MAB21L2: variants seen among roughly 807,000 people sequenced by gnomAD.
The protein encoded by MAB21L2 is mab-21 like 2, also known as protein mab-21-like 2.
Under a neutral mutation model 29.8 loss-of-function variants are expected in MAB21L2, and 15 were observed. That is an observed-to-expected ratio of 0.50 (90% CI 0.34 to 0.78). MAB21L2 has a LOEUF of 0.78. MAB21L2 is among the 30% of genes least tolerant of loss of function. The pLI is 0.01. For missense variants in MAB21L2, 321 were observed against 480.1 expected, an observed-to-expected ratio of 0.67 and a Z score of 3.10; for synonymous variants, 218 against 210.4, an observed-to-expected ratio of 1.04 and a Z score of -0.31.
In MAB21L2 at chr4:150,583,155, C is replaced by G; in HGVS notation, c.126C>G (p.Leu42=). 1 of 1,614,206 alleles carries G rather than the reference C, an allele frequency of 6.2e-7. No individual in the cohort carries two copies. The highest frequency in any genetic ancestry group is 2.2e-5 in the East Asian group (1 of 44,874). ...TCTGTAAGGTGGTCTCGGACGTGCTCAAGGAAGTGGAGGTGCAGGAGCCTC... is the reference window on the plus strand; with the variant it reads ...TCTGTAAGGTGGTCTCGGACGTGCTGAAGGAAGTGGAGGTGCAGGAGCCTC... ...REVCKVVSDV[L]KEVEVQEPRF... The change falls in exon 1 of 1, where the codon CTC becomes CTG. Residue 42 remains leucine (L), a synonymous_variant. Coordinates refer to ENST00000317605, the MANE Select transcript of MAB21L2 (RefSeq NM_006439.5). This position sits in a 1 kb window ranked among gnomAD's most constrained non-coding sequence, Gnocchi z 9.8.
In MAB21L2 at chr4:150,583,013, C is replaced by T. The variant is rs375783917; in HGVS notation, c.-17C>T. 23 of 1,573,260 alleles carry T rather than the reference C, an allele frequency of 1.5e-5. No individual in the cohort carries two copies. The highest frequency in any genetic ancestry group is 6.0e-5 in the South Asian group (5 of 84,006). On this transcript the variant is annotated 5_prime_UTR_variant, in exon 1 of 1. Transcript: ENST00000317605. The surrounding 1 kb of genome is among the most constrained non-coding windows in gnomAD (Gnocchi z 9.8). ...TATTGCGAGACGCCGGTGTATAGCCCGGACCTGTGCCCCAACATGATCGCC... is the reference window on the plus strand; with the variant it reads ...TATTGCGAGACGCCGGTGTATAGCCTGGACCTGTGCCCCAACATGATCGCC...
rs1341704964 is a variant in MAB21L2 at position 150,583,116 on chromosome 4, A to G, written c.87A>G (p.Lys29=). The G allele has an allele frequency of 6.2e-7, 1 of 1,614,210 alleles. No homozygotes were observed. The highest frequency in any genetic ancestry group is 1.3e-5 in the African/African-American group (1 of 75,074). Residue 29 remains lysine (K), a synonymous_variant, in exon 1 of 1, where the codon AAA becomes AAG. Transcript: ENST00000317605. This position sits in a 1 kb window ranked among gnomAD's most constrained non-coding sequence, Gnocchi z 9.8. The part of the protein sequence containing the change: ...RCQARKAAIA[K]TIREVCKVVS... ...AGGCGCGCAAGGCGGCCATCGCCAAAACCATCCGAGAGGTCTGTAAGGTGG... is the reference window on the plus strand; with the variant it reads ...AGGCGCGCAAGGCGGCCATCGCCAAGACCATCCGAGAGGTCTGTAAGGTGG...
Position 150,582,896 on chromosome 4 carries a change from C to G in MAB21L2, c.-134C>G. 9.1e-7 allele frequency: 1 copy of G among 1,096,734 alleles called. No individual in the cohort carries two copies. Among genetic ancestry groups the G allele is most frequent in the South Asian group, 1.8e-5 (1 of 54,858 alleles). The allele number at this position is 1,096,734 out of a possible 1,614,324, so 67.9% of individuals were successfully genotyped here. A position where few individuals can be genotyped will look rare whatever the true frequency, so the allele number is the denominator to read the frequency against. The stretch of plus-strand genomic sequence containing the variant: ...TCAGCCGGTCAGCCCAGGTGGAAAA[C>G]GAGAGTGAAAGTAGGGCTTAACGGG... On this transcript the variant is annotated 5_prime_UTR_variant, in exon 1 of 1. Transcript: ENST00000317605.
chr4:150,583,418 C>G lies in MAB21L2; in HGVS notation c.389C>G (p.Ser130Trp). 6.2e-7 allele frequency: 1 copy of G among 1,613,922 alleles called. No homozygotes were observed. Among genetic ancestry groups the G allele is most frequent in the Non-Finnish European group, 8.5e-7 (1 of 1,180,024 alleles). Residue 130 changes from serine to tryptophan, a missense_variant, in exon 1 of 1, where the codon TCG becomes TGG. By Grantham distance (177) the Ser-to-Trp change is radical. Transcript: ENST00000317605. The surrounding 1 kb of genome is among the most constrained non-coding windows in gnomAD (Gnocchi z 9.8). Reference protein sequence around the residue: ...SGYLSARKIRSRFQTLVAQAV... With the variant: ...SGYLSARKIRWRFQTLVAQAV... Reference sequence around the variant, plus strand: ...TATCTCTCAGCGCGTAAGATCCGCTCGCGTTTCCAGACGCTGGTGGCCCAG... The same window carrying G: ...TATCTCTCAGCGCGTAAGATCCGCTGGCGTTTCCAGACGCTGGTGGCCCAG...
Position 150,583,929 on chromosome 4 carries a change from C to A in MAB21L2, c.900C>A (p.Leu300=). Residue 300 remains leucine (L), a synonymous_variant, in exon 1 of 1, where the codon CTC becomes CTA. Coordinates refer to ENST00000317605, the MANE Select transcript of MAB21L2 (RefSeq NM_006439.5). This position sits in a 1 kb window ranked among gnomAD's most constrained non-coding sequence, Gnocchi z 9.8. The part of the protein sequence containing the change: ...DWDESCLGDR[L]NGILLQLISC... ...ACGAGTCGTGCCTGGGCGACCGGCTCAACGGCATCCTGCTGCAGCTCATCT... is the reference window on the plus strand; with the variant it reads ...ACGAGTCGTGCCTGGGCGACCGGCTAAACGGCATCCTGCTGCAGCTCATCT... The A allele has an allele frequency of 6.2e-7, 1 of 1,612,968 alleles. No homozygotes were observed. The highest frequency in any genetic ancestry group is 1.1e-5 in the South Asian group (1 of 90,786).
In MAB21L2 at chr4:150,582,990, T is replaced by C. The variant is rs895369184; in HGVS notation, c.-40T>C. ...CGTGAGCCTTGGATCCCTCAACGTATTGCGAGACGCCGGTGTATAGCCCGG... is the reference window on the plus strand; with the variant it reads ...CGTGAGCCTTGGATCCCTCAACGTACTGCGAGACGCCGGTGTATAGCCCGG... On this transcript the variant is annotated 5_prime_UTR_variant, in exon 1 of 1. Coordinates refer to ENST00000317605, the MANE Select transcript of MAB21L2 (RefSeq NM_006439.5). 10 of 1,537,614 alleles carry C rather than the reference T, an allele frequency of 6.5e-6. No homozygotes were observed. Among genetic ancestry groups the C allele is most frequent in the South Asian group, 1.3e-5 (1 of 78,110 alleles).
chr4:150,583,632 C>T lies in MAB21L2; in HGVS notation c.603C>T (p.Ala201=). ...HIPWPGPNRV[A]EVKAEGFNLL... ...CTTGGCCCGGCCCCAATCGGGTGGC[C>T]GAGGTCAAGGCCGAAGGGTTCAACT... is the stretch of plus-strand genomic sequence containing the variant. Residue 201 remains alanine (A), a synonymous_variant, in exon 1 of 1, where the codon GCC becomes GCT. Transcript: ENST00000317605. This position sits in a 1 kb window ranked among gnomAD's most constrained non-coding sequence, Gnocchi z 9.8. 1.2e-6 allele frequency: 2 copies of T among 1,613,866 alleles called. No homozygotes were observed. Among genetic ancestry groups the T allele is most frequent in the Non-Finnish European group, 1.7e-6 (2 of 1,179,996 alleles).
In MAB21L2 at chr4:150,583,179, T is replaced by C; in HGVS notation, c.150T>C (p.Pro50=). 1 of 1,614,184 alleles carries C rather than the reference T, an allele frequency of 6.2e-7. No homozygotes were observed. The highest frequency in any genetic ancestry group is 8.5e-7 in the Non-Finnish European group (1 of 1,180,026). The change falls in exon 1 of 1, where the codon CCT becomes CCC. Residue 50 remains proline, a synonymous_variant. Transcript: ENST00000317605. The surrounding 1 kb of genome is among the most constrained non-coding windows in gnomAD (Gnocchi z 9.8). ...DVLKEVEVQE[P]RFISSLSEID... Reference sequence around the variant, plus strand: ...TCAAGGAAGTGGAGGTGCAGGAGCCTCGCTTCATCAGCTCCTTGAGCGAGA... The same window carrying C: ...TCAAGGAAGTGGAGGTGCAGGAGCCCCGCTTCATCAGCTCCTTGAGCGAGA...
At position 150,583,665 on chromosome 4, in the gene MAB21L2, G is replaced by A. The variant is rs752442954; in HGVS notation, c.636G>A (p.Ser212=). The A allele has an allele frequency of 2.5e-6, 4 of 1,613,840 alleles. No homozygotes were observed. Among genetic ancestry groups the A allele is most frequent in the South Asian group, 1.1e-5 (1 of 91,048 alleles). ...AGGCCGAAGGGTTCAACTTGCTCTC[G>A]AAGGAGTGCTACTCGCTGACCGGCA... ...EVKAEGFNLL[S]KECYSLTGKQ... is the part of the protein sequence containing the mutation. The change falls in exon 1 of 1, where the codon TCG becomes TCA. Residue 212 remains serine (S), a synonymous_variant. Coordinates refer to ENST00000317605, the MANE Select transcript of MAB21L2 (RefSeq NM_006439.5). The surrounding 1 kb of genome is among the most constrained non-coding windows in gnomAD (Gnocchi z 9.8).
Position 150,583,311 on chromosome 4 carries a change from G to A in MAB21L2, c.282G>A (p.Leu94=), listed in dbSNP as rs1442867249. 2 of 1,614,082 alleles carry A rather than the reference G, an allele frequency of 1.2e-6. No individual in the cohort carries two copies. The highest frequency in any genetic ancestry group is 2.7e-5 in the African/African-American group (2 of 74,952). Residue 94 remains leucine, a synonymous_variant, in exon 1 of 1, where the codon CTG becomes CTA. Coordinates refer to ENST00000317605, the MANE Select transcript of MAB21L2 (RefSeq NM_006439.5). The surrounding 1 kb of genome is among the most constrained non-coding windows in gnomAD (Gnocchi z 9.8). Reference sequence around the variant, plus strand: ...TCAACTTCGTGGACGACGGCTCGCTGCCCGGCTGCGCAGTGCTCAAACTGA... The same window carrying A: ...TCAACTTCGTGGACGACGGCTCGCTACCCGGCTGCGCAGTGCTCAAACTGA... ...GVFNFVDDGS[L]PGCAVLKLSD...
Position 150,583,029 on chromosome 4 carries a change from C to A in MAB21L2, c.-1C>A, listed in dbSNP as rs1294001798. 5 of 1,586,484 alleles carry A rather than the reference C, an allele frequency of 3.2e-6. No homozygotes were observed. Among genetic ancestry groups the A allele is most frequent in the Non-Finnish European group, 4.3e-6 (5 of 1,164,746 alleles). On this transcript the variant is annotated 5_prime_UTR_variant, in exon 1 of 1. Coordinates refer to ENST00000317605, the MANE Select transcript of MAB21L2 (RefSeq NM_006439.5). This position sits in a 1 kb window ranked among gnomAD's most constrained non-coding sequence, Gnocchi z 9.8. Reference sequence around the variant, plus strand: ...TGTATAGCCCGGACCTGTGCCCCAACATGATCGCCGCTCAGGCCAAGCTGG... The same window carrying A: ...TGTATAGCCCGGACCTGTGCCCCAAAATGATCGCCGCTCAGGCCAAGCTGG...
In MAB21L2 at chr4:150,583,320, C is replaced by A; in HGVS notation, c.291C>A (p.Cys97Ter). 5 of 1,614,190 alleles carry A rather than the reference C, an allele frequency of 3.1e-6. No homozygotes were observed. The highest frequency in any genetic ancestry group is 4.2e-6 in the Non-Finnish European group (5 of 1,180,048). ...NFVDDGSLPG[C>*]AVLKLSDGRK... ...TGGACGACGGCTCGCTGCCCGGCTG[C>A]GCAGTGCTCAAACTGAGCGATGGGC... The change falls in exon 1 of 1, where the codon TGC becomes TGA. Residue 97 changes from cysteine (C) to a stop codon, truncating the protein, a stop_gained. Coordinates refer to ENST00000317605, the MANE Select transcript of MAB21L2 (RefSeq NM_006439.5). LOFTEE classifies it high-confidence loss of function. The surrounding 1 kb of genome is among the most constrained non-coding windows in gnomAD (Gnocchi z 9.8).
Position 150,584,368 on chromosome 4 carries a change from G to A in MAB21L2, c.*259G>A. The A allele has an allele frequency of 3.1e-6, 1 of 320,152 alleles. No homozygotes were observed. The allele number at this position is 320,152 out of a possible 1,614,324, so 19.8% of individuals were successfully genotyped here. On this transcript the variant is annotated 3_prime_UTR_variant, in exon 1 of 1. Transcript: ENST00000317605. ...AAGGTCACACAAAAGAAGCAATCGG[G>A]CTCCGCCACCACAAAATGAAACCCA...
In MAB21L2 at chr4:150,582,970, G is replaced by A. The variant is rs1183188604; in HGVS notation, c.-60G>A. 20 of 1,524,308 alleles carry A rather than the reference G, an allele frequency of 1.3e-5. No homozygotes were observed. Among genetic ancestry groups the A allele is most frequent in the Non-Finnish European group, 1.6e-5 (18 of 1,136,886 alleles). 94.4% of individuals were successfully genotyped at this position (1,524,308 alleles called of 1,614,324 possible). A position where few individuals can be genotyped will look rare whatever the true frequency, so the allele number is the denominator to read the frequency against. On this transcript the variant is annotated 5_prime_UTR_variant, in exon 1 of 1. Coordinates refer to ENST00000317605, the MANE Select transcript of MAB21L2 (RefSeq NM_006439.5). Reference sequence around the variant, plus strand: ...CCGCTGGGCCACCACCAGTGCGTGAGCCTTGGATCCCTCAACGTATTGCGA... The same window carrying A: ...CCGCTGGGCCACCACCAGTGCGTGAACCTTGGATCCCTCAACGTATTGCGA...
Position 150,584,665 on chromosome 4 carries a change from A to C in MAB21L2, c.*556A>C, listed in dbSNP as rs923966857. ...CACCCTGAGCTGTCTTGTTGAAAACAGTAATAAAAACATTACTTTACATTG... is the reference window on the plus strand; with the variant it reads ...CACCCTGAGCTGTCTTGTTGAAAACCGTAATAAAAACATTACTTTACATTG... On this transcript the variant is annotated 3_prime_UTR_variant, in exon 1 of 1. Transcript: ENST00000317605. 1 of 167,072 alleles carries C rather than the reference A, an allele frequency of 6.0e-6. No individual in the cohort carries two copies. The allele number at this position is 167,072 out of a possible 1,614,324, so 10.3% of individuals were successfully genotyped here. A position where few individuals can be genotyped will look rare whatever the true frequency, so the allele number is the denominator to read the frequency against.
rs1194129832 is a variant in MAB21L2, at chr4:150,584,064, G to C, written c.1035G>C (p.Leu345Phe). Residue 345 changes from leucine to phenylalanine, a missense_variant, in exon 1 of 1, where the codon TTG becomes TTC. By Grantham distance (22) the Leu-to-Phe change is conservative. Transcript: ENST00000317605. ...GCGCTGCCAAGCAGACCTGGAGGTT[G>C]GCCAGGGAAATTCTCACCAATCCCA... ...LESAAKQTWRLAREILTNPKS... is the reference protein window; with the variant it reads ...LESAAKQTWRFAREILTNPKS... 1 of 1,569,062 alleles carries C rather than the reference G, an allele frequency of 6.4e-7. No homozygotes were observed. Among genetic ancestry groups the C allele is most frequent in the South Asian group, 1.2e-5 (1 of 83,436 alleles).
In MAB21L2 at chr4:150,583,430, C is replaced by T. The variant is rs750430131; in HGVS notation, c.401C>T (p.Thr134Met). Reference sequence around the variant, plus strand: ...CGTAAGATCCGCTCGCGTTTCCAGACGCTGGTGGCCCAGGCGGTGGACAAG... The same window carrying T: ...CGTAAGATCCGCTCGCGTTTCCAGATGCTGGTGGCCCAGGCGGTGGACAAG... ...SARKIRSRFQ[T>M]LVAQAVDKCS... Residue 134 changes from threonine to methionine, a missense_variant, in exon 1 of 1, where the codon ACG becomes ATG. By Grantham distance (81) the Thr-to-Met change is moderately conservative. Coordinates refer to ENST00000317605, the MANE Select transcript of MAB21L2 (RefSeq NM_006439.5). This position sits in a 1 kb window ranked among gnomAD's most constrained non-coding sequence, Gnocchi z 9.8. The T allele has an allele frequency of 6.2e-7, 1 of 1,613,944 alleles. No homozygotes were observed. The highest frequency in any genetic ancestry group is 8.5e-7 in the Non-Finnish European group (1 of 1,180,046).
chr4:150,583,942 C>A lies in MAB21L2; in HGVS notation c.913C>A (p.Leu305Met). 6.2e-7 allele frequency: 1 copy of A among 1,613,412 alleles called. No homozygotes were observed. Among genetic ancestry groups the A allele is most frequent in the Non-Finnish European group, 8.5e-7 (1 of 1,179,652 alleles). ...CLGDRLNGIL[L>M]QLISCLQCRR... Reference sequence around the variant, plus strand: ...GGGCGACCGGCTCAACGGCATCCTGCTGCAGCTCATCTCCTGCCTGCAGTG... The same window carrying A: ...GGGCGACCGGCTCAACGGCATCCTGATGCAGCTCATCTCCTGCCTGCAGTG... Residue 305 changes from leucine to methionine, a missense_variant, in exon 1 of 1, where the codon CTG becomes ATG. Coordinates refer to ENST00000317605, the MANE Select transcript of MAB21L2 (RefSeq NM_006439.5). The surrounding 1 kb of genome is among the most constrained non-coding windows in gnomAD (Gnocchi z 9.8).
Position 150,584,560 on chromosome 4 carries a change from TAA to T in MAB21L2, c.*458_*459del, listed in dbSNP as rs546642239. The T allele has an allele frequency of 1.5e-3, 244 of 166,186 alleles. 1 individual carries two copies. The highest frequency in any genetic ancestry group is 3.7e-3 in the Admixed American group (56 of 15,210). The allele number at this position is 166,186 out of a possible 1,614,324, so 10.3% of individuals were successfully genotyped here. A position where few individuals can be genotyped will look rare whatever the true frequency, so the allele number is the denominator to read the frequency against. On this transcript the variant is annotated 3_prime_UTR_variant, in exon 1 of 1. Transcript: ENST00000317605. The stretch of plus-strand genomic sequence containing the variant: ...TTAACTATATGTAAAATTTCTCTTT[TAA>T]AAAAAAGTTTTACTGATGTTAAACG...
Sources: allele counts gnomAD v4.1 joint callset, GRCh38; gene constraint gnomAD v4.1.1; non-coding constraint Gnocchi (gnomAD v3.1); transcripts MANE v1.5; gene names NCBI Gene and HGNC (gene_info 2026-07-23, HGNC 2026-07-21).